Variants in MTOR observed in about 807,000 individuals in gnomAD.
The protein encoded by MTOR is mechanistic target of rapamycin kinase, also known as serine/threonine-protein kinase mTOR.
MTOR carries 70 observed loss-of-function variants against 319.8 expected under a neutral mutation model. The observed-to-expected ratio is 0.22, with a 90% CI of 0.18 to 0.27. The LOEUF is 0.27. Ranked by LOEUF, MTOR falls within the 10% of genes least tolerant of loss-of-function variation. The probability of loss-of-function intolerance (pLI) is 1.00; values close to 1 mark genes in which losing one functional copy is unlikely to be tolerated. For synonymous variants in MTOR, 1,183 were observed against 1,211.4 expected (o/e 0.98, Z 0.49); for missense variants, 1,890 against 3,274.4 (o/e 0.58, Z 10.32).
intron 13 of MTOR, among the ~76,000 whole-genome samples, chr1:11,236,794 A>G (rs902824752): frequency 1.3e-5 from 2 of 152,142 alleles, no homozygotes; most frequent in Admixed American, 1.3e-4. Flanking sequence ...TACAGGCATG[A>G]GCCACCACGC....
At chr1:11,195,162 C>A (rs1645737748) in intron 28 of MTOR, 1 of 947,340 alleles carries the variant, frequency 1.1e-6, no homozygotes, top group Non-Finnish European at 1.6e-6. Context: ...AATAAGTCTC[C>A]AAGGAGCACA....
At chr1:11,152,075 A>G (rs1644166595) in intron 30 of MTOR, among the ~76,000 whole-genome samples, 1 of 152,234 alleles carries the variant, frequency 6.6e-6, no homozygotes, top group Non-Finnish European at 1.5e-5. Flanking sequence ...GTGTGGGAAC[A>G]GCTGTCAGAG....
At chr1:11,138,774 C>T (rs1284049196) in intron 36 of MTOR, among the ~76,000 whole-genome samples, 1 of 152,200 alleles carries the variant, frequency 6.6e-6, no homozygotes, top group Non-Finnish European at 1.5e-5. Flanking sequence ...ACCCCCAAAC[C>T]AGGAGCCACA....
In MTOR at chr1:11,109,507, A is replaced by G; in HGVS notation, c.7448-137T>C. 4.1e-6 allele frequency: 5 copies of G among 1,207,114 alleles called. No homozygotes were observed. Among genetic ancestry groups the G allele is most frequent in the Non-Finnish European group, 6.0e-6 (5 of 831,432 alleles). 74.8% of individuals were successfully genotyped at this position (1,207,114 alleles called of 1,614,324 possible). On this transcript the variant is annotated intron_variant, in intron 55 of 57. Transcript: ENST00000361445. This position sits in a 1 kb window ranked among gnomAD's most constrained non-coding sequence, Gnocchi z 4.0. ...CTCTATGTCCGTCTTTGTCCTCAGA[A>G]TATAATGAGAAATTCATGGAACCTT...
At chr1:11,176,449 C>G (rs1015531148) in intron 28 of MTOR, among the ~76,000 whole-genome samples, 14 of 152,230 alleles carry the variant, frequency 9.2e-5, no homozygotes, top group Admixed American at 5.9e-4. Flanking sequence ...CCCCAGCGCT[C>G]CCATCAGGAA....
chr1:11,238,549 G>A lies in MTOR; in HGVS notation c.1855C>T (p.Arg619Cys), dbSNP rs199712134. The change falls in exon 12 of 58, where the codon CGC (arginine) becomes TGC (cysteine). Residue 619 changes from arginine (R) to cysteine (C), a missense_variant. This residue lies in a region of MTOR where 418 missense variants were observed against 543.1 expected (regional missense o/e 0.77). Transcript: ENST00000361445. The part of the protein sequence containing the change: ...HFLNSEHKEI[R>C]MEAARTCSRL... ...GAGCAGGTGCGGGCAGCCTCCATGC[G>A]GATCTCCTTGTGCTCACTGTTCAGG... is the stretch of plus-strand genomic sequence containing the variant. 9.7e-5 allele frequency: 156 copies of A among 1,614,060 alleles called. No homozygotes were observed. Among genetic ancestry groups the A allele is most frequent in the Non-Finnish European group, 1.3e-4 (150 of 1,180,052 alleles).
chr1:11,249,613 G>T (rs1431020742), intron 6 of MTOR, among the ~76,000 whole-genome samples: 1 of 137,600 alleles, frequency 7.3e-6, no homozygotes, highest in Non-Finnish European at 1.6e-5. Context: ...AGGGAGTGGT[G>T]ATGACTCTTA....
chr1:11,221,139 C>T lies in MTOR; in HGVS notation c.3031-4905G>A, dbSNP rs149204707. On this transcript the variant is annotated intron_variant, in intron 19 of 57. Transcript: ENST00000361445. ...TCTCCTGAGTAGCTGAGACTACAGG[C>T]ATGCACCACCATGCCCGGCTAATCT... Among the ~76,000 whole-genome samples, 1,219 of 152,084 alleles carry T rather than the reference C, an allele frequency of 8.0e-3. 20 individuals are homozygous for T. The highest frequency in any genetic ancestry group is 0.027 in the African/African-American group (1,128 of 41,478).
chr1:11,257,035 G>A lies in MTOR; in HGVS notation c.402C>T (p.Ala134=). The stretch of plus-strand genomic sequence containing the variant: ...CAGCGGTAAAAGTGTCCCCTGCCAT[G>A]GCAAGACGGCCAATGGCCTTGGATG... ...EMASKAIGRL[A]MAGDTFTAEY... is the part of the protein sequence containing the mutation. The change falls in exon 4 of 58, where the codon GCC becomes GCT. Residue 134 remains alanine (A), a synonymous_variant. Transcript: ENST00000361445. The A allele has an allele frequency of 6.2e-7, 1 of 1,614,146 alleles. No homozygotes were observed. The highest frequency in any genetic ancestry group is 8.5e-7 in the Non-Finnish European group (1 of 1,180,016).
At chr1:11,232,806 T>TG (rs1240990574) in intron 15 of MTOR, among the ~76,000 whole-genome samples, 1 of 149,802 alleles carries the variant, frequency 6.7e-6, no homozygotes, top group Non-Finnish European at 1.5e-5. Context: ...ACCCAGGAGA[T>TG]GGAGGTTGCA....
rs1649068791 is a variant in MTOR at position 11,247,974 on chromosome 1, C to T, written c.961G>A (p.Ala321Thr). Residue 321 changes from alanine (A) to threonine (T), a missense_variant, in exon 7 of 58, where the codon GCT becomes ACT. Physicochemically the swap from Ala to Thr is moderately conservative, Grantham distance 58 (BLOSUM62 0). Coordinates refer to ENST00000361445, the MANE Select transcript of MTOR (RefSeq NM_004958.4). The stretch of plus-strand genomic sequence containing the variant: ...GCATTTGACTGCTGGGGCTGTACAG[C>T]CTGGAAACTGGTGAAGGGGGTAATG... ...RHITPFTSFQ[A>T]VQPQQSNALV... is the part of the protein sequence containing the mutation. The T allele has an allele frequency of 6.8e-6, 11 of 1,614,026 alleles. No individual in the cohort carries two copies. The highest frequency in any genetic ancestry group is 8.5e-6 in the Non-Finnish European group (10 of 1,180,038).
chr1:11,238,182 T>C, intron 12 of MTOR, 134 bp from the exon 13 acceptor site: 1 of 961,362 alleles, frequency 1.0e-6, no homozygotes, highest in Non-Finnish European at 1.6e-6. Flanking sequence ...TCTGTCATTC[T>C]TTTCTCTACT....
intron 1 of MTOR, among the ~76,000 whole-genome samples, 177 bp downstream of exon 1, chr1:11,262,268 G>C (rs985962837): frequency 6.6e-6 from 1 of 152,232 alleles, no homozygotes; most frequent in African/African-American, 2.4e-5. Context: ...CGGGGAGGTG[G>C]GCGTTGCCTC....
intron 28 of MTOR, among the ~76,000 whole-genome samples, chr1:11,193,302 T>C (rs1371613137): frequency 6.6e-6 from 1 of 150,550 alleles, no homozygotes; most frequent in African/African-American, 2.5e-5. Context: ...AAGAGTGAAA[T>C]TCTGCTTCAA....
At chr1:11,192,952 T>C (rs1254465458) in intron 28 of MTOR, among the ~76,000 whole-genome samples, 1 of 152,024 alleles carries the variant, frequency 6.6e-6, no homozygotes, top group East Asian at 1.9e-4. Context: ...TTTAAATCTC[T>C]TGCCATGTCC....
At chr1:11,119,276 CA>C (rs1039638733) in intron 49 of MTOR, among the ~76,000 whole-genome samples, 1 of 151,232 alleles carries the variant, frequency 6.6e-6, no homozygotes, top group African/African-American at 2.4e-5. Flanking sequence ...ACTAAAAATA[CA>C]AAAGAGTGGC....
At chr1:11,154,068 C>CAAAAAAAAAAAAAAAAAAAAAAAAAAAAA (rs70977548) in intron 30 of MTOR, among the ~76,000 whole-genome samples, 1 of 13,054 alleles carries the variant, frequency 7.7e-5, no homozygotes, top group Non-Finnish European at 1.4e-4. Context: ...GACTCTGTCT[C>CAAAAAAAAAAAAAAAAAAAAAAAAAAAAA]AAAAAAAAAA....
chr1:11,249,615 T>C (rs1359637351), intron 6 of MTOR, among the ~76,000 whole-genome samples: 1 of 137,544 alleles, frequency 7.3e-6, no homozygotes, highest in African/African-American at 2.6e-5. Context: ...GGAGTGGTGA[T>C]GACTCTTAAT....
chr1:11,255,846 C>CAA lies in MTOR; in HGVS notation c.705+144_705+145dup, dbSNP rs35904498. 0.11 allele frequency: 55,916 copies of CAA among 526,430 alleles called. 428 individuals are homozygous for CAA. Among genetic ancestry groups the CAA allele is most frequent in the Admixed American group, 0.15 (3,608 of 23,956 alleles). The allele number at this position is 526,430 out of a possible 1,614,324, so 32.6% of individuals were successfully genotyped here. On this transcript the variant is annotated intron_variant, in intron 5 of 57. Transcript: ENST00000361445. ...TGGGCGACAAAGCAAGACTCCATCA[C>CAA]AAAAAAAAAAAAAAAAAAATTCATT...
Sources: gnomAD v4.1 joint callset for allele counts (sites outside exome capture counted in the v4.1 genomes callset) on GRCh38, gnomAD v4.1.1 for gene constraint, gnomAD v4.1.1 regional missense constraint, Gnocchi (gnomAD v3.1) non-coding constraint, MANE v1.5 for transcripts, NCBI Gene and HGNC (gene_info 2026-07-23, HGNC 2026-07-21) for gene names.